PCCA: variants seen among roughly 807,000 people sequenced by gnomAD.
PCCA encodes propionyl-CoA carboxylase alpha chain, mitochondrial.
A neutral mutation model predicts 101.3 loss-of-function variants in PCCA; 74 were observed. That is an observed-to-expected ratio of 0.73 (90% CI 0.61 to 0.89). PCCA has a LOEUF of 0.89. Ranked by LOEUF, PCCA falls within the 40% of genes least tolerant of loss-of-function variation. PCCA has a pLI of 0.00. For missense variants in PCCA, 891 were observed against 907.0 expected (o/e 0.98, Z 0.23); for synonymous variants, 294 against 313.6 (o/e 0.94, Z 0.66).
chr13:100,527,269 G>GTGAC (rs1483291542), intron 22 of PCCA: 1 of 473,008 alleles, frequency 2.1e-6, no homozygotes, highest in Non-Finnish European at 4.4e-6. Flanking sequence ...CCCTTCAGCA[G>GTGAC]TGACTCCCCT....
chr13:100,151,073 TG>T, intron 4 of PCCA: 1 of 1,544,728 alleles, frequency 6.5e-7, no homozygotes, highest in Non-Finnish European at 8.9e-7. Flanking sequence ...CCGTAGCTCC[TG>T]GATGTACTCG....
intron 8 of PCCA, among the ~76,000 whole-genome samples, chr13:100,241,177 A>G (rs1006349135): frequency 6.6e-6 from 1 of 152,196 alleles, no homozygotes; most frequent in Non-Finnish European, 1.5e-5. Flanking sequence ...TGTAACTGTA[A>G]TCACTATCTA....
chr13:100,444,684 G>A (rs529121946), intron 20 of PCCA, among the ~76,000 whole-genome samples: 229 of 151,936 alleles, frequency 1.5e-3, no homozygotes, highest in African/African-American at 5.1e-3. Flanking sequence ...CTGGTGATCC[G>A]CCCACCTTGG....
chr13:100,279,600 G>A (rs895376220), intron 12 of PCCA, among the ~76,000 whole-genome samples: 5 of 151,852 alleles, frequency 3.3e-5, no homozygotes, highest in African/African-American at 1.2e-4. Context: ...CTCAGCCTCC[G>A]GAGTAGCTGG....
At chr13:100,521,393 G>A (rs1437009498) in intron 22 of PCCA, among the ~76,000 whole-genome samples, 2 of 152,194 alleles carry the variant, frequency 1.3e-5, no homozygotes, top group African/African-American at 4.8e-5. Context: ...CTCGTGCATG[G>A]GCCATTAAAG....
intron 21 of PCCA, among the ~76,000 whole-genome samples, chr13:100,470,547 C>T (rs1197358501): frequency 1.3e-5 from 2 of 152,014 alleles, no homozygotes; most frequent in Non-Finnish European, 2.9e-5. Flanking sequence ...GTCGACCAAG[C>T]CCAGGGACAT....
intron 19 of PCCA, among the ~76,000 whole-genome samples, chr13:100,422,327 G>C (rs960877303): frequency 6.6e-6 from 1 of 151,142 alleles, no homozygotes; most frequent in Non-Finnish European, 1.5e-5. Flanking sequence ...TTGTAGAGAT[G>C]GGGTCTCACT....
intron 21 of PCCA, 71 bp from the exon 22 acceptor site, chr13:100,515,356 A>T: frequency 7.2e-7 from 1 of 1,397,654 alleles, no homozygotes; most frequent in Non-Finnish European, 1.0e-6. Flanking sequence ...AAATTGATTT[A>T]GAATGAATGC....
chr13:100,309,763 A>G (rs944967523), intron 15 of PCCA, 70 bp from the exon 16 acceptor site: 11 of 1,001,492 alleles, frequency 1.1e-5, no homozygotes, highest in Non-Finnish European at 1.6e-5. Flanking sequence ...TTTAATTTTT[A>G]CTAAAATGAA....
intron 11 of PCCA, among the ~76,000 whole-genome samples, chr13:100,270,305 A>T (rs187358894): frequency 2.8e-4 from 43 of 152,336 alleles, no homozygotes; most frequent in African/African-American, 9.4e-4. Context: ...GCTGAGCTAG[A>T]ACTAGTACTG....
At chr13:100,214,228 A>G (rs1318681496) in intron 7 of PCCA, among the ~76,000 whole-genome samples, 2 of 150,374 alleles carry the variant, frequency 1.3e-5, no homozygotes, top group East Asian at 3.9e-4. Context: ...AAATTTTAGG[A>G]TTTTTTTTTC....
intron 9 of PCCA, 139 bp from the exon 10 acceptor site, chr13:100,262,590 A>C: frequency 1.5e-6 from 1 of 645,290 alleles, no homozygotes; most frequent in Non-Finnish European, 2.7e-6. Context: ...AATAAGCCAA[A>C]ATAAATATTT....
chr13:100,101,541 T>C (rs2047278129), intron 1 of PCCA, among the ~76,000 whole-genome samples: 1 of 152,192 alleles, frequency 6.6e-6, no homozygotes, highest in Non-Finnish European at 1.5e-5. Context: ...ATAAACTATA[T>C]CTTTTTGTAT....
intron 19 of PCCA, among the ~76,000 whole-genome samples, chr13:100,417,228 C>G (rs529578017): frequency 6.6e-6 from 1 of 152,192 alleles, no homozygotes; most frequent in Non-Finnish European, 1.5e-5. Context: ...AAATAGAGTA[C>G]ACTGAGATGA....
At chr13:100,171,412 TGA>T (rs2055623054) in intron 6 of PCCA, among the ~76,000 whole-genome samples, 1 of 152,188 alleles carries the variant, frequency 6.6e-6, no homozygotes, top group Admixed American at 6.5e-5. Flanking sequence ...CAGTCTTCTC[TGA>T]GAGTGTGGCC....
intron 15 of PCCA, among the ~76,000 whole-genome samples, chr13:100,308,351 G>A (rs1323730656): frequency 6.6e-6 from 1 of 151,918 alleles, no homozygotes; most frequent in African/African-American, 2.4e-5. Context: ...TTGGGATAGG[G>A]TCTCCCTTTT....
At chr13:100,522,873 T>C (rs898277179) in intron 22 of PCCA, among the ~76,000 whole-genome samples, 2 of 152,218 alleles carry the variant, frequency 1.3e-5, no homozygotes, top group East Asian at 3.8e-4. Flanking sequence ...ACATCTCCAA[T>C]TTTAGGCCTT....
chr13:100,149,761 T>A (rs1221613955), intron 4 of PCCA: 1 of 152,204 alleles, frequency 6.6e-6, no homozygotes, highest in African/African-American at 2.4e-5. Context: ...TCAAAATATC[T>A]CTAGGCATGA....
intron 1 of PCCA, among the ~76,000 whole-genome samples, chr13:100,092,215 G>A (rs2046343254): frequency 6.6e-6 from 1 of 151,980 alleles, no homozygotes; most frequent in South Asian, 2.1e-4. Flanking sequence ...CGAGCCCAAT[G>A]GTGTGATTTT....
Sources: gnomAD v4.1 joint callset for allele counts (sites outside exome capture counted in the v4.1 genomes callset) on GRCh38, gnomAD v4.1.1 for gene constraint, MANE v1.5 for transcripts, NCBI Gene and HGNC (gene_info 2026-07-23, HGNC 2026-07-21) for gene names.